Variants in SYNDIG1 observed in about 807,000 individuals in gnomAD.
SYNDIG1 encodes synapse differentiation inducing 1.
Under a neutral mutation model 19.4 loss-of-function variants are expected in SYNDIG1, and 9 were observed. That is an observed-to-expected ratio of 0.46 (90% CI 0.28 to 0.81). SYNDIG1 has a LOEUF of 0.81. Among genes scored for constraint, SYNDIG1 ranks in the 30% least tolerant of loss-of-function variants. The pLI is 0.12. For missense variants in SYNDIG1, 311 were observed against 343.3 expected (o/e 0.91, Z 0.74); for synonymous variants, 141 against 145.9 (o/e 0.97, Z 0.24).
chr20:24,664,520 A>T (rs2086491670), intron 3 of SYNDIG1, among the ~76,000 whole-genome samples: 1 of 152,052 alleles, frequency 6.6e-6, no homozygotes, highest in Non-Finnish European at 1.5e-5. Flanking sequence ...CTTTGGTAGC[A>T]TCTCACCCCA....
chr20:24,484,342 C>T (rs1038216404), intron 1 of SYNDIG1, among the ~76,000 whole-genome samples: 5 of 152,160 alleles, frequency 3.3e-5, no homozygotes, highest in Non-Finnish European at 7.4e-5. Context: ...TGCACGTGGT[C>T]TCCCCACATG....
intron 3 of SYNDIG1, among the ~76,000 whole-genome samples, chr20:24,648,012 G>T (rs79362817): frequency 0.22 from 33,951 of 152,000 alleles, 4,436 homozygotes; most frequent in Admixed American, 0.37. Context: ...TGCAGAGAGA[G>T]AACTCCTGTG....
At chr20:24,530,228 C>T (rs191902676) in intron 1 of SYNDIG1, among the ~76,000 whole-genome samples, 8 of 152,196 alleles carry the variant, frequency 5.3e-5, no homozygotes, top group Admixed American at 3.3e-4. Flanking sequence ...ATCATATCTG[C>T]TATATATGTC....
In SYNDIG1 at chr20:24,658,192, G is replaced by A. The variant is rs1474844642; in HGVS notation, c.619-7154G>A. Among the ~76,000 whole-genome samples, 2 of 152,314 alleles carry A rather than the reference G, an allele frequency of 1.3e-5. No homozygotes were observed. The highest frequency in any genetic ancestry group is 1.5e-5 in the Non-Finnish European group (1 of 68,028). ...TGGGTATTTTCCAGCCAAAGGACAA[G>A]CAAAAGCTCATTGGAAACTCCATGA... On this transcript the variant is annotated intron_variant, in intron 3 of 3. Transcript: ENST00000376862. This position sits in a 1 kb window ranked among gnomAD's most constrained non-coding sequence, Gnocchi z 4.4.
intron 1 of SYNDIG1, among the ~76,000 whole-genome samples, chr20:24,501,696 C>G (rs2056457518): frequency 6.6e-6 from 1 of 152,170 alleles, no homozygotes; most frequent in Non-Finnish European, 1.5e-5. Context: ...GGGGTTATTA[C>G]GTATTTCATG....
intron 3 of SYNDIG1, among the ~76,000 whole-genome samples, chr20:24,636,720 C>A (rs2059320150): frequency 1.3e-5 from 2 of 152,214 alleles, no homozygotes; most frequent in South Asian, 4.1e-4. Context: ...TTCACCCATG[C>A]AAGCTTCCAG....
chr20:24,487,549 G>A (rs1277851735), intron 1 of SYNDIG1, among the ~76,000 whole-genome samples: 2 of 152,164 alleles, frequency 1.3e-5, no homozygotes, highest in South Asian at 2.1e-4. Flanking sequence ...AGGGTCCAGC[G>A]CACTTTTTTC....
intron 3 of SYNDIG1, among the ~76,000 whole-genome samples, chr20:24,659,859 A>G (rs1267018649): frequency 1.3e-5 from 2 of 152,200 alleles, no homozygotes; most frequent in South Asian, 2.1e-4. Context: ...GAGTTTCTCT[A>G]TTCTCTGTAG....
intron 1 of SYNDIG1, among the ~76,000 whole-genome samples, chr20:24,492,210 C>T (rs1392406938): frequency 6.6e-6 from 1 of 152,182 alleles, no homozygotes; most frequent in African/African-American, 2.4e-5. Flanking sequence ...CCCCACTTTT[C>T]GCTGTTCTGG....
intron 2 of SYNDIG1, among the ~76,000 whole-genome samples, chr20:24,557,351 A>G (rs1369611477): frequency 2.0e-5 from 3 of 152,212 alleles, no homozygotes; most frequent in African/African-American, 7.2e-5. Context: ...CTGGTGAGGA[A>G]CTGCGTTCCT....
At chr20:24,547,046 G>A (rs999605504) in intron 2 of SYNDIG1, among the ~76,000 whole-genome samples, 4 of 152,096 alleles carry the variant, frequency 2.6e-5, no homozygotes, top group Non-Finnish European at 4.4e-5. Flanking sequence ...TTCAGAGGGG[G>A]CCACCTCATT....
chr20:24,505,029 G>A (rs2056553036), intron 1 of SYNDIG1, among the ~76,000 whole-genome samples: 1 of 152,170 alleles, frequency 6.6e-6, no homozygotes, highest in Non-Finnish European at 1.5e-5. Context: ...AGGAGGTGGT[G>A]AACAGATCCC....
intron 3 of SYNDIG1, among the ~76,000 whole-genome samples, chr20:24,647,471 A>G (rs999572152): frequency 1.7e-4 from 26 of 152,098 alleles, no homozygotes; most frequent in African/African-American, 5.3e-4. Context: ...CTTTGAGCCA[A>G]ACACTTTCTT....
In SYNDIG1 at chr20:24,658,399, C is replaced by T. The variant is rs949027135; in HGVS notation, c.619-6947C>T. ...AGAACTGGGTCCCTGATGGCCGGTG[C>T]TCCTCCCCGTGACAGATTCCACACA... On this transcript the variant is annotated intron_variant, in intron 3 of 3. Coordinates refer to ENST00000376862, the MANE Select transcript of SYNDIG1 (RefSeq NM_024893.3). This position sits in a 1 kb window ranked among gnomAD's most constrained non-coding sequence, Gnocchi z 4.4. Among the ~76,000 whole-genome samples the T allele has an allele frequency of 6.6e-6, 1 of 151,972 alleles. No individual in the cohort carries two copies. Among genetic ancestry groups the T allele is most frequent in the African/African-American group, 2.4e-5 (1 of 41,356 alleles).
chr20:24,562,581 G>A (rs1311177551), intron 2 of SYNDIG1, among the ~76,000 whole-genome samples: 1 of 152,218 alleles, frequency 6.6e-6, no homozygotes, highest in Non-Finnish European at 1.5e-5. Context: ...CATTTGGTGA[G>A]AGGGAAAGAA....
At chr20:24,642,667 T>C (rs1157936678) in intron 3 of SYNDIG1, among the ~76,000 whole-genome samples, 1 of 152,196 alleles carries the variant, frequency 6.6e-6, no homozygotes, top group Non-Finnish European at 1.5e-5. Context: ...TGGGAGCTCT[T>C]TCAGATTGGT....
At chr20:24,603,075 G>A (rs1267196302) in intron 3 of SYNDIG1, among the ~76,000 whole-genome samples, 1 of 152,122 alleles carries the variant, frequency 6.6e-6, no homozygotes. Flanking sequence ...TTATTTAAAT[G>A]CTACAAAGAG....
chr20:24,486,223 G>A (rs920397855), intron 1 of SYNDIG1, among the ~76,000 whole-genome samples: 17 of 152,226 alleles, frequency 1.1e-4, no homozygotes, highest in Non-Finnish European at 1.0e-4. Context: ...GAGGTTGGGT[G>A]TGGTGTGGGC....
chr20:24,634,811 G>A (rs2059298975), intron 3 of SYNDIG1, among the ~76,000 whole-genome samples: 1 of 152,184 alleles, frequency 6.6e-6, no homozygotes, highest in Non-Finnish European at 1.5e-5. Flanking sequence ...GCTGTCAGTG[G>A]TGCCTCTTGC....
Sources: allele counts gnomAD v4.1 joint callset (sites outside exome capture counted in the v4.1 genomes callset), GRCh38; gene constraint gnomAD v4.1.1; non-coding constraint Gnocchi (gnomAD v3.1); transcripts MANE v1.5; gene names NCBI Gene and HGNC (gene_info 2026-07-23, HGNC 2026-07-21).